The following ATP6V1H variants were observed in gnomAD, a reference collection of about 807,000 sequenced individuals.
ATP6V1H encodes ATPase H+ transporting V1 subunit H.
In ATP6V1H, 39 loss-of-function variants were observed where a neutral mutation model predicts 71.7. The observed-to-expected ratio is 0.54, with a 90% CI of 0.42 to 0.71. ATP6V1H has a LOEUF of 0.71. Ranked by LOEUF, ATP6V1H falls within the 30% of genes least tolerant of loss-of-function variation. The pLI, the probability that ATP6V1H is intolerant of heterozygous loss-of-function variation, is 0.00. For missense variants in ATP6V1H, 509 were observed against 594.9 expected (o/e 0.86, Z 1.50); for synonymous variants, 192 against 199.3 (o/e 0.96, Z 0.31).
chr8:53,719,704 C>A (rs1008926868), intron 13 of ATP6V1H, among the ~76,000 whole-genome samples: 2 of 152,292 alleles, frequency 1.3e-5, no homozygotes, highest in East Asian at 3.9e-4. Flanking sequence ...TTTTAGAGCA[C>A]CCTGTGAGCT....
intron 2 of ATP6V1H, among the ~76,000 whole-genome samples, chr8:53,837,290 C>T (rs1280612483): frequency 6.6e-6 from 1 of 152,180 alleles, no homozygotes; most frequent in Non-Finnish European, 1.5e-5. Context: ...AAGCACAATA[C>T]TCCATTCATA....
At chr8:53,717,875 G>A (rs1806478130) in intron 13 of ATP6V1H, among the ~76,000 whole-genome samples, 1 of 152,152 alleles carries the variant, frequency 6.6e-6, no homozygotes, top group Non-Finnish European at 1.5e-5. Flanking sequence ...ACTCTTTAGT[G>A]TGGAGCCTTA....
intron 12 of ATP6V1H, among the ~76,000 whole-genome samples, chr8:53,748,398 TA>T (rs1490766899): frequency 6.6e-6 from 1 of 152,192 alleles, no homozygotes; most frequent in Non-Finnish European, 1.5e-5. Context: ...TAATGTTTAT[TA>T]AAATCTCAAA....
At chr8:53,766,040 G>A (rs1169841760) in intron 11 of ATP6V1H, among the ~76,000 whole-genome samples, 1 of 152,166 alleles carries the variant, frequency 6.6e-6, no homozygotes, top group Non-Finnish European at 1.5e-5. Context: ...TTGGAGCAAA[G>A]ATAGTCTTGT....
At chr8:53,805,190 C>A (rs1363588368) in intron 7 of ATP6V1H, among the ~76,000 whole-genome samples, 1 of 152,192 alleles carries the variant, frequency 6.6e-6, no homozygotes, top group Non-Finnish European at 1.5e-5. Context: ...AGACCGTATT[C>A]ATCTACATTC....
Position 53,777,633 on chromosome 8 carries a change from G to A in ATP6V1H, c.871-5466C>T, listed in dbSNP as rs187292223. ...AAGCAGGGATTGGCTAACATTTTCT[G>A]TAAAAGGGCGAAGAGTAAATATTTT... On this transcript the variant is annotated intron_variant, in intron 9 of 13. Coordinates refer to ENST00000359530, the MANE Select transcript of ATP6V1H (RefSeq NM_015941.4). Among the ~76,000 whole-genome samples, 338 of 152,316 alleles carry A rather than the reference G, an allele frequency of 2.2e-3. 2 individuals are homozygous for A. The highest frequency in any genetic ancestry group is 7.9e-3 in the African/African-American group (327 of 41,584).
chr8:53,817,473 C>G lies in ATP6V1H; in HGVS notation c.364G>C (p.Ala122Pro), dbSNP rs1563480375. 6.2e-7 allele frequency: 1 copy of G among 1,613,798 alleles called. No individual in the cohort carries two copies. The highest frequency in any genetic ancestry group is 1.1e-5 in the South Asian group (1 of 91,068). ...FDYARCSKNT[A>P]WPYFLPMLNR... The stretch of plus-strand genomic sequence containing the variant: ...AACATTGGCAGAAAGTAGGGCCACG[C>G]AGTGTTCTTGCTACATCTTGCATAG... The change falls in exon 5 of 14, where the codon GCG becomes CCG. Residue 122 changes from alanine to proline, a missense_variant. Ala to Pro is a conservative substitution (Grantham distance 27). Around this residue, in one of 2 missense-constraint regions of ATP6V1H, gnomAD observed 297 missense variants for 303.3 expected, o/e 0.98. Coordinates refer to ENST00000359530, the MANE Select transcript of ATP6V1H (RefSeq NM_015941.4).
At chr8:53,762,222 T>G (rs981738153) in intron 11 of ATP6V1H, among the ~76,000 whole-genome samples, 8 of 150,702 alleles carry the variant, frequency 5.3e-5, no homozygotes, top group Non-Finnish European at 5.9e-5. Flanking sequence ...GAAGTTGAGG[T>G]AGAAGGTGAA....
At chr8:53,829,568 T>C in intron 3 of ATP6V1H, 35 bp from the exon 4 acceptor site, 1 of 1,351,456 alleles carries the variant, frequency 7.4e-7, no homozygotes, top group Non-Finnish European at 1.0e-6. Context: ...TTATTGTTTT[T>C]ATTTGCAGAC....
intron 11 of ATP6V1H, among the ~76,000 whole-genome samples, chr8:53,763,691 T>A (rs1808355151): frequency 6.6e-6 from 1 of 151,384 alleles, no homozygotes. Flanking sequence ...ACTCCAATCC[T>A]CACAGCAGGA....
At chr8:53,829,412 C>T (rs765029172) in intron 4 of ATP6V1H, 32 bp downstream of exon 4, 2 of 1,484,876 alleles carry the variant, frequency 1.3e-6, no homozygotes, top group South Asian at 1.2e-5. Flanking sequence ...AAAATGAAGT[C>T]ACCAAATGTG....
At chr8:53,839,602 A>G in intron 2 of ATP6V1H, 1 of 985,288 alleles carries the variant, frequency 1.0e-6, no homozygotes, top group Non-Finnish European at 1.2e-6. Context: ...CTCTACCTCT[A>G]GACTTATCAC....
chr8:53,833,472 C>T (rs1010794861), intron 2 of ATP6V1H, among the ~76,000 whole-genome samples: 23 of 151,824 alleles, frequency 1.5e-4, no homozygotes, highest in South Asian at 2.1e-4. Context: ...ATTCACATGG[C>T]TATCTAATTT....
At chr8:53,769,527 G>C (rs1337305926) in intron 11 of ATP6V1H, 91 bp downstream of exon 11, 2 of 1,286,780 alleles carry the variant, frequency 1.6e-6, no homozygotes, top group African/African-American at 3.0e-5. Context: ...TAAAACCATA[G>C]AATATCTAAA....
intron 13 of ATP6V1H, among the ~76,000 whole-genome samples, chr8:53,732,667 A>G (rs1202172077): frequency 6.6e-6 from 1 of 151,384 alleles, no homozygotes; most frequent in Non-Finnish European, 1.5e-5. Flanking sequence ...GCAAAAAAAA[A>G]AAAAGAAAAA....
chr8:53,820,290 A>T (rs1810604017), intron 4 of ATP6V1H, among the ~76,000 whole-genome samples: 1 of 151,066 alleles, frequency 6.6e-6, no homozygotes, highest in Admixed American at 6.6e-5. Flanking sequence ...AATAAGGTTT[A>T]AAAAAAAAGA....
chr8:53,717,981 C>T (rs149800033), intron 13 of ATP6V1H, among the ~76,000 whole-genome samples: 3 of 152,254 alleles, frequency 2.0e-5, no homozygotes, highest in Non-Finnish European at 4.4e-5. Context: ...CAAGGACCAA[C>T]TTCTAAATGT....
rs1357668723 is a variant in ATP6V1H, at chr8:53,755,731, TATATATATATATA to T, written c.1277+811_1277+823del. The stretch of plus-strand genomic sequence containing the variant: ...ATATATATATATATATATATATATA[TATATATATATATA>T]TTTTTTTTTTTTTTTTTTTTTTTTT... On this transcript the variant is annotated intron_variant, in intron 12 of 13. Coordinates refer to ENST00000359530, the MANE Select transcript of ATP6V1H (RefSeq NM_015941.4). Among the ~76,000 whole-genome samples the T allele has an allele frequency of 8.1e-3, 56 of 6,920 alleles. 1 individual carries two copies. Among genetic ancestry groups the T allele is most frequent in the Middle Eastern group, 0.038 (1 of 26 alleles). The allele number at this position is 6,920 out of a possible 152,430, so 4.5% of individuals were successfully genotyped here. A position where few individuals can be genotyped will look rare whatever the true frequency, so the allele number is the denominator to read the frequency against.
rs199885555 is a variant in ATP6V1H, at chr8:53,826,635, G to GA, written c.306+2808dup. The stretch of plus-strand genomic sequence containing the variant: ...ATGTGTCTGCCTGTCTATGTTCACA[G>GA]AAAAAAAAAATTAAAAACCAATGAT... On this transcript the variant is annotated intron_variant, in intron 4 of 13. Coordinates refer to ENST00000359530, the MANE Select transcript of ATP6V1H (RefSeq NM_015941.4). 2.3e-3 allele frequency among the ~76,000 whole-genome samples: 349 copies of GA among 150,194 alleles called. 2 individuals carry two copies. The highest frequency in any genetic ancestry group is 8.0e-3 in the African/African-American group (329 of 40,970).
Sources: allele counts gnomAD v4.1 joint callset (sites outside exome capture counted in the v4.1 genomes callset), GRCh38; gene constraint gnomAD v4.1.1; regional missense constraint gnomAD v4.1.1; transcripts MANE v1.5; gene names NCBI Gene and HGNC (gene_info 2026-07-23, HGNC 2026-07-21).